Variants in SLC9A7 observed in about 807,000 individuals in gnomAD.
SLC9A7 encodes the protein solute carrier family 9 member A7.
Under a neutral mutation model 52.6 loss-of-function variants are expected in SLC9A7, and 19 were observed. The observed-to-expected ratio is 0.36, with a 90% CI of 0.25 to 0.53. The LOEUF is 0.53. Among genes scored for constraint, SLC9A7 ranks in the 20% least tolerant of loss-of-function variants. The pLI, the probability that SLC9A7 is intolerant of heterozygous loss-of-function variation, is 0.91. For missense variants in SLC9A7, 455 were observed against 597.9 expected, an observed-to-expected ratio of 0.76 and a Z score of 2.49; for synonymous variants, 226 against 252.1, an observed-to-expected ratio of 0.90 and a Z score of 0.98.
chrX:46,623,316 C>T (rs747254618), intron 14 of SLC9A7, among the ~76,000 whole-genome samples: 1 of 111,502 alleles, frequency 9.0e-6, no homozygotes, highest in Non-Finnish European at 1.9e-5. Context: ...ACTCCTGTGC[C>T]GTCCACAGAA....
At chrX:46,712,849 A>G (rs908464970) in intron 1 of SLC9A7, among the ~76,000 whole-genome samples, 1 of 111,903 alleles carries the variant, frequency 8.9e-6, no homozygotes, top group African/African-American at 3.3e-5. Context: ...CAAATGCCAA[A>G]TTAGGTATAC....
chrX:46,704,194 T>C (rs1444694643), intron 1 of SLC9A7, among the ~76,000 whole-genome samples: 1 of 111,091 alleles, frequency 9.0e-6, no homozygotes, highest in Non-Finnish European at 1.9e-5. Context: ...CTCTTTTCCC[T>C]GTGCTGTCGT....
Position 46,600,672 on chromosome X carries a change from T to C in SLC9A7, c.*6280A>G, listed in dbSNP as rs1256949954. 8.9e-6 allele frequency: 1 copy of C among 112,326 alleles called. No individual in the cohort carries two copies. Among genetic ancestry groups the C allele is most frequent in the Non-Finnish European group, 1.9e-5 (1 of 53,228 alleles). The allele number at this position is 112,326 out of a possible 1,213,427, so 9.3% of individuals were successfully genotyped here. Reference sequence around the variant, plus strand: ...AATTTTTTAAAAATGTCTATGAAAATTGACACTGGAAAAAACTGTTTATCT... The same window carrying C: ...AATTTTTTAAAAATGTCTATGAAAACTGACACTGGAAAAAACTGTTTATCT... On this transcript the variant is annotated 3_prime_UTR_variant, in exon 17 of 17. Coordinates refer to ENST00000616978, the MANE Select transcript of SLC9A7 (RefSeq NM_001257291.2).
chrX:46,759,008 G>A lies in SLC9A7; in HGVS notation c.22C>T (p.Arg8Cys). 2.1e-6 allele frequency: 2 copies of A among 969,662 alleles called. No homozygotes were observed. The highest frequency in any genetic ancestry group is 2.6e-6 in the Non-Finnish European group (2 of 779,017). 79.9% of individuals were successfully genotyped at this position (969,662 alleles called of 1,213,427 possible). ...CCGGTAGCCCGACCCGAGCCAGGGCGCGCCGCGTCACCAGGCTCCATGGTC... is the reference window on the plus strand; with the variant it reads ...CCGGTAGCCCGACCCGAGCCAGGGCACGCCGCGTCACCAGGCTCCATGGTC... MEPGDAARPGSGRATGAP... is the reference protein window; with the variant it reads MEPGDAACPGSGRATGAP... Residue 8 changes from arginine to cysteine, a missense_variant, in exon 1 of 17, where the codon CGC becomes TGC. Physicochemically the swap from Arg to Cys is radical, Grantham distance 180 (BLOSUM62 -3). Transcript: ENST00000616978.
chrX:46,745,211 C>T (rs1383840467), intron 1 of SLC9A7, among the ~76,000 whole-genome samples: 1 of 111,835 alleles, frequency 8.9e-6, no homozygotes, highest in African/African-American at 3.3e-5. Flanking sequence ...ACACAGCAGC[C>T]AATATCCCCT....
At chrX:46,622,417 T>C (rs1339588048) in intron 14 of SLC9A7, among the ~76,000 whole-genome samples, 1 of 111,745 alleles carries the variant, frequency 8.9e-6, no homozygotes, top group Non-Finnish European at 1.9e-5. Flanking sequence ...GGCAAATATA[T>C]AATGGAAAAA....
intron 16 of SLC9A7, 51 bp downstream of exon 16, chrX:46,613,238 C>CA: frequency 1.1e-6 from 1 of 920,647 alleles, no homozygotes; most frequent in Non-Finnish European, 1.5e-6. Flanking sequence ...CTACGTAAGA[C>CA]ACTACCCTGG....
chrX:46,633,151 A>G (rs1036172271), intron 13 of SLC9A7, among the ~76,000 whole-genome samples: 4 of 107,211 alleles, frequency 3.7e-5, no homozygotes, highest in African/African-American at 1.4e-4. Context: ...GATATCAACC[A>G]AGTATGAAAT....
intron 3 of SLC9A7, among the ~76,000 whole-genome samples, chrX:46,673,753 G>C (rs1210779159): frequency 3.6e-5 from 4 of 111,492 alleles, no homozygotes; most frequent in Non-Finnish European, 5.7e-5. Flanking sequence ...GGCGTCCTCT[G>C]GTCTGCATCC....
At position 46,606,719 on chromosome X, in the gene SLC9A7, C is replaced by A. The variant is rs1942749795; in HGVS notation, c.*233G>T. The stretch of plus-strand genomic sequence containing the variant: ...GTTTGTTTAACTCTGAAACAGCGCA[C>A]TACTATGTGAAAAAAGTGGGAATAG... On this transcript the variant is annotated 3_prime_UTR_variant, in exon 17 of 17. Transcript: ENST00000616978. The A allele has an allele frequency of 1.9e-6, 2 of 1,068,686 alleles. No homozygotes were observed. Among genetic ancestry groups the A allele is most frequent in the African/African-American group, 3.8e-5 (2 of 52,624 alleles). The allele number at this position is 1,068,686 out of a possible 1,213,427, so 88.1% of individuals were successfully genotyped here. A position where few individuals can be genotyped will look rare whatever the true frequency, so the allele number is the denominator to read the frequency against.
intron 14 of SLC9A7, among the ~76,000 whole-genome samples, chrX:46,629,136 G>A (rs1943182606): frequency 8.9e-6 from 1 of 112,025 alleles, no homozygotes; most frequent in African/African-American, 3.2e-5. Flanking sequence ...GGAGGTCAGG[G>A]GGAAGCTGTG....
At chrX:46,624,675 C>G (rs1355222925) in intron 14 of SLC9A7, among the ~76,000 whole-genome samples, 1 of 111,773 alleles carries the variant, frequency 8.9e-6, no homozygotes, top group Non-Finnish European at 1.9e-5. Context: ...AAGTTCATTT[C>G]CAAAGACTGG....
intron 1 of SLC9A7, among the ~76,000 whole-genome samples, chrX:46,756,147 C>T (rs1310084019): frequency 1.8e-5 from 2 of 111,057 alleles, no homozygotes; most frequent in African/African-American, 6.5e-5. Context: ...TGAACTCTTT[C>T]ATTCATAAAC....
At position 46,631,589 on chromosome X, in the gene SLC9A7, T is replaced by G; in HGVS notation, c.1737A>C (p.Gln579His). 8.3e-7 allele frequency: 1 copy of G among 1,207,840 alleles called. No individual in the cohort carries two copies. Among genetic ancestry groups the G allele is most frequent in the Non-Finnish European group, 1.1e-6 (1 of 892,206 alleles). Residue 579 changes from glutamine to histidine, a missense_variant, in exon 14 of 17, where the codon CAA becomes CAC. Coordinates refer to ENST00000616978, the MANE Select transcript of SLC9A7 (RefSeq NM_001257291.2). Reference sequence around the variant, plus strand: ...AGAAGCATCTCTTGTGACTTACCCCTTGTAAGACTTGAAAGCTGTCGTTGT... The same window carrying G: ...AGAAGCATCTCTTGTGACTTACCCCGTGTAAGACTTGAAAGCTGTCGTTGT... Reference protein sequence around the residue: ...PPNNDSFQVLQGDGPDSARGN... With the variant: ...PPNNDSFQVLHGDGPDSARGN...
intron 1 of SLC9A7, among the ~76,000 whole-genome samples, chrX:46,717,121 T>C (rs1165169742): frequency 8.9e-6 from 1 of 112,371 alleles, no homozygotes; most frequent in Non-Finnish European, 1.9e-5. Flanking sequence ...AAAACCAAAG[T>C]TGAAATTGTG....
intron 15 of SLC9A7, 36 bp from the exon 16 acceptor site, chrX:46,613,430 G>T (rs748835939): frequency 1.9e-5 from 19 of 1,022,271 alleles, no homozygotes; most frequent in Non-Finnish European, 2.4e-5. Context: ...TGGCTGCAAA[G>T]AAAACATATA....
At chrX:46,743,495 G>A (rs146674446) in intron 1 of SLC9A7, among the ~76,000 whole-genome samples, 309 of 111,970 alleles carry the variant, frequency 2.8e-3, no homozygotes, top group Middle Eastern at 9.2e-3. Flanking sequence ...CATATGTGCC[G>A]CTACATTTAA....
intron 1 of SLC9A7, among the ~76,000 whole-genome samples, chrX:46,713,740 C>G (rs1266488536): frequency 1.8e-5 from 2 of 110,406 alleles, no homozygotes; most frequent in African/African-American, 6.6e-5. Context: ...CCGGTGACTT[C>G]CCTGTGGTTC....
intron 5 of SLC9A7, among the ~76,000 whole-genome samples, chrX:46,666,899 T>C (rs1217852318): frequency 1.8e-5 from 2 of 112,400 alleles, no homozygotes; most frequent in African/African-American, 6.5e-5. Flanking sequence ...CTCAGACTTA[T>C]GAAGATCTAT....
Sources: allele counts gnomAD v4.1 joint callset (sites outside exome capture counted in the v4.1 genomes callset), GRCh38; gene constraint gnomAD v4.1.1; transcripts MANE v1.5; gene names NCBI Gene and HGNC (gene_info 2026-07-23, HGNC 2026-07-21).